The following TMCC1 variants were observed in gnomAD, a reference collection of about 807,000 sequenced individuals.
TMCC1 encodes the protein transmembrane and coiled-coil domain family 1.
In TMCC1, 15 loss-of-function variants were observed where a neutral mutation model predicts 52.4. That is an observed-to-expected ratio of 0.29 (90% CI 0.19 to 0.44). The LOEUF is 0.44. Among genes scored for constraint, TMCC1 ranks in the 20% least tolerant of loss-of-function variants. The pLI is 1.00. For synonymous variants in TMCC1, 279 were observed against 301.9 expected (o/e 0.92, Z 0.79); for missense variants, 503 against 806.0 (o/e 0.62, Z 4.55).
chr3:129,681,943 A>C (rs983218569), intron 4 of TMCC1, among the ~76,000 whole-genome samples: 2 of 151,760 alleles, frequency 1.3e-5, no homozygotes, highest in East Asian at 1.9e-4. Context: ...AAATAAATAA[A>C]ATAAAAATAA....
chr3:129,759,584 A>AG (rs1465102507), intron 4 of TMCC1, among the ~76,000 whole-genome samples: 1 of 84,550 alleles, frequency 1.2e-5, no homozygotes, highest in Non-Finnish European at 3.2e-5. Flanking sequence ...CATTTTTGAG[A>AG]GTTTTTTTTT....
rs2086281157 is a variant in TMCC1, at chr3:129,650,833, G to C, written c.*648C>G. On this transcript the variant is annotated 3_prime_UTR_variant, in exon 7 of 7. Transcript: ENST00000393238. ...GGGCTACTTAAAAATACTGTAGTAG[G>C]ACTGTGCAGTGATCCTTTGGGGGAT... 6.5e-6 allele frequency: 1 copy of C among 153,100 alleles called. No homozygotes were observed. The highest frequency in any genetic ancestry group is 1.5e-5 in the Non-Finnish European group (1 of 68,410). 9.5% of individuals were successfully genotyped at this position (153,100 alleles called of 1,614,324 possible). A position where few individuals can be genotyped will look rare whatever the true frequency, so the allele number is the denominator to read the frequency against.
intron 2 of TMCC1, among the ~76,000 whole-genome samples, chr3:129,859,507 T>C (rs2060286905): frequency 6.6e-6 from 1 of 151,840 alleles, no homozygotes; most frequent in Non-Finnish European, 1.5e-5. Flanking sequence ...CATGGTGGCA[T>C]GACCCTATAG....
chr3:129,737,439 C>G (rs1488346058), intron 4 of TMCC1, among the ~76,000 whole-genome samples: 1 of 151,860 alleles, frequency 6.6e-6, no homozygotes, highest in African/African-American at 2.4e-5. Flanking sequence ...GAGATCACGC[C>G]GCTGCACTCC....
chr3:129,877,820 C>T (rs1006606720), intron 2 of TMCC1, among the ~76,000 whole-genome samples: 1 of 151,874 alleles, frequency 6.6e-6, no homozygotes, highest in Middle Eastern at 3.4e-3. Flanking sequence ...AATAGACATG[C>T]GGTTTCACCA....
chr3:129,867,492 A>G (rs2060707989), intron 2 of TMCC1, among the ~76,000 whole-genome samples: 1 of 152,204 alleles, frequency 6.6e-6, no homozygotes, highest in Admixed American at 6.5e-5. Context: ...TTGAAGTGCC[A>G]TATCAAATCT....
intron 4 of TMCC1, among the ~76,000 whole-genome samples, chr3:129,764,856 T>C (rs1308227210): frequency 7.3e-6 from 1 of 137,268 alleles, no homozygotes; most frequent in Admixed American, 7.9e-5. Context: ...GGCTAGAGTG[T>C]AGTGGTGCAA....
chr3:129,711,580 C>A (rs2048682908), intron 4 of TMCC1, among the ~76,000 whole-genome samples: 1 of 152,186 alleles, frequency 6.6e-6, no homozygotes, highest in East Asian at 1.9e-4. Context: ...TGCAGTGGCT[C>A]ACGCCTGTAA....
chr3:129,792,682 G>A (rs1560430212), intron 4 of TMCC1, among the ~76,000 whole-genome samples: 1 of 152,060 alleles, frequency 6.6e-6, no homozygotes, highest in East Asian at 1.9e-4. Context: ...TCATTACTCT[G>A]ATAGAACAGT....
At chr3:129,854,485 C>T (rs930729807) in intron 2 of TMCC1, among the ~76,000 whole-genome samples, 8 of 151,666 alleles carry the variant, frequency 5.3e-5, no homozygotes, top group Admixed American at 1.3e-4. Flanking sequence ...CTTAGAAAAA[C>T]GGCAAAAACT....
At chr3:129,818,375 C>G (rs2058213991) in intron 4 of TMCC1, among the ~76,000 whole-genome samples, 1 of 151,694 alleles carries the variant, frequency 6.6e-6, no homozygotes, top group East Asian at 1.9e-4. Flanking sequence ...TTCAAAGAAA[C>G]TTTTTAAATT....
chr3:129,676,558 G>T lies in TMCC1; in HGVS notation c.577-5294C>A, dbSNP rs139298415. ...ACCTCAACATAATCAGGGCAGAGTGGTGCCATTTAGAGCGCAGCATTTAAC... is the reference window on the plus strand; with the variant it reads ...ACCTCAACATAATCAGGGCAGAGTGTTGCCATTTAGAGCGCAGCATTTAAC... On this transcript the variant is annotated intron_variant, in intron 4 of 6. Transcript: ENST00000393238. Among the ~76,000 whole-genome samples the T allele has an allele frequency of 6.6e-5, 10 of 152,310 alleles. No individual in the cohort carries two copies. In the East Asian group the frequency reaches 1.9e-3, roughly 29 times the overall value.
intron 4 of TMCC1, among the ~76,000 whole-genome samples, chr3:129,715,980 C>T (rs1442253187): frequency 1.3e-5 from 2 of 152,042 alleles, no homozygotes; most frequent in African/African-American, 4.8e-5. Flanking sequence ...CTACTTAGCT[C>T]TTTAGAAATG....
chr3:129,891,984 GT>G (rs2061985940), intron 1 of TMCC1, among the ~76,000 whole-genome samples: 1 of 152,176 alleles, frequency 6.6e-6, no homozygotes, highest in African/African-American at 2.4e-5. Flanking sequence ...CAGGTCTTTT[GT>G]GCTCATAAAA....
chr3:129,741,195 T>C (rs2051425662), intron 4 of TMCC1, among the ~76,000 whole-genome samples: 1 of 152,196 alleles, frequency 6.6e-6, no homozygotes, highest in African/African-American at 2.4e-5. Context: ...ATAACTTTCA[T>C]AATTACTGAA....
chr3:129,650,754 A>T lies in TMCC1; in HGVS notation c.*727T>A, dbSNP rs1046296977. The stretch of plus-strand genomic sequence containing the variant: ...TTTAGGTTGGTAACTATACACATAT[A>T]AAAAAACCTTAAAAGTGCGGCCAAG... On this transcript the variant is annotated 3_prime_UTR_variant, in exon 7 of 7. Transcript: ENST00000393238. The T allele has an allele frequency of 6.6e-6, 1 of 152,606 alleles. No homozygotes were observed. Among genetic ancestry groups the T allele is most frequent in the Non-Finnish European group, 1.5e-5 (1 of 68,046 alleles). The allele number at this position is 152,606 out of a possible 1,614,324, so 9.5% of individuals were successfully genotyped here. A position where few individuals can be genotyped will look rare whatever the true frequency, so the allele number is the denominator to read the frequency against.
intron 2 of TMCC1, among the ~76,000 whole-genome samples, chr3:129,869,872 A>T (rs1320314826): frequency 1.3e-5 from 2 of 152,232 alleles, no homozygotes; most frequent in Non-Finnish European, 2.9e-5. Context: ...TTTGCAGTGT[A>T]CAAAACTCTG....
In TMCC1 at chr3:129,710,346, G is replaced by A. The variant is rs368778040; in HGVS notation, c.577-39082C>T. ...AAATTTTTAAGTTTTTTGAGATGGG[G>A]GAATAGGGACGGTCTCATTATGTTG... is the stretch of plus-strand genomic sequence containing the variant. On this transcript the variant is annotated intron_variant, in intron 4 of 6. Transcript: ENST00000393238. 4.6e-5 allele frequency among the ~76,000 whole-genome samples: 7 copies of A among 152,210 alleles called. No individual in the cohort carries two copies. The East Asian group carries it at 1.4e-3, about 29-fold the overall frequency.
chr3:129,656,414 A>G (rs1197294303), intron 5 of TMCC1, among the ~76,000 whole-genome samples: 4 of 152,216 alleles, frequency 2.6e-5, no homozygotes, highest in African/African-American at 9.7e-5. Flanking sequence ...ATACTAAAAG[A>G]ATAAAAATGC....
Sources: gnomAD v4.1 joint callset for allele counts (sites outside exome capture counted in the v4.1 genomes callset) on GRCh38, gnomAD v4.1.1 for gene constraint, MANE v1.5 for transcripts, NCBI Gene and HGNC (gene_info 2026-07-23, HGNC 2026-07-21) for gene names.